SLBP: variants seen among roughly 807,000 people sequenced by gnomAD.
SLBP encodes the protein histone RNA hairpin-binding protein.
In SLBP, 29 loss-of-function variants were observed where a neutral mutation model predicts 39.2. The ratio of observed to expected loss-of-function variants is 0.74; its 90% CI spans 0.55 to 1.01. The LOEUF (loss-of-function observed/expected upper bound fraction) is 1.01, where lower values mean the gene tolerates loss of function less well. Ranked by LOEUF, SLBP falls within the 50% of genes least tolerant of loss-of-function variation. The pLI is 0.00. For missense variants in SLBP, 390 were observed against 350.2 expected, an observed-to-expected ratio of 1.11 and a Z score of -0.91; for synonymous variants, 129 against 118.7, an observed-to-expected ratio of 1.09 and a Z score of -0.57.
At chr4:1,694,670 CG>C (rs1716039822) in intron 7 of SLBP, 103 bp downstream of exon 7, 2 of 823,492 alleles carry the variant, frequency 2.4e-6, no homozygotes, top group Admixed American at 3.6e-5. Context: ...GGATTACAGG[CG>C]TGAGCCACCG....
intron 6 of SLBP, 136 bp downstream of exon 6, chr4:1,696,066 G>A (rs1038176027): frequency 3.1e-5 from 19 of 609,682 alleles, no homozygotes; most frequent in African/African-American, 1.6e-4. Context: ...ACTCAGCACC[G>A]AGCTGCAGCA....
chr4:1,701,336 G>T (rs377078992), intron 3 of SLBP, among the ~76,000 whole-genome samples: 21 of 151,672 alleles, frequency 1.4e-4, no homozygotes, highest in East Asian at 9.8e-4. Flanking sequence ...TAGTAGAGAC[G>T]GGGTTTCTCC....
chr4:1,700,127 G>C, intron 3 of SLBP, 57 bp from the exon 4 acceptor site: 1 of 1,295,686 alleles, frequency 7.7e-7, no homozygotes, highest in Non-Finnish European at 1.1e-6. Flanking sequence ...AAAGCAGCCA[G>C]GTCTGAGGAA....
rs771040419 is a variant in SLBP at position 1,699,517 on chromosome 4, G to C, written c.479+47C>G. On this transcript the variant is annotated intron_variant, in intron 5 of 7. Coordinates refer to ENST00000489418, the MANE Select transcript of SLBP (RefSeq NM_006527.4). ...CCAATCTAAGCAACTCTTTAGAAAC[G>C]CAATGCCACACAGCTTGTTCAAGAC... 9 of 1,602,304 alleles carry C rather than the reference G, an allele frequency of 5.6e-6. No individual in the cohort carries two copies. In the Admixed American group the frequency reaches 6.7e-5, roughly 12 times the overall value.
chr4:1,706,040 T>C (rs901968030), intron 2 of SLBP, among the ~76,000 whole-genome samples: 4 of 152,178 alleles, frequency 2.6e-5, no homozygotes, highest in South Asian at 4.1e-4. Flanking sequence ...TCCCAGCACT[T>C]TGGGGACGCC....
In SLBP at chr4:1,693,298, T is replaced by C. The variant is rs909104445; in HGVS notation, c.*299A>G. 1 of 273,198 alleles carries C rather than the reference T, an allele frequency of 3.7e-6. No homozygotes were observed. The highest frequency in any genetic ancestry group is 5.1e-5 in the South Asian group (1 of 19,742). The allele number at this position is 273,198 out of a possible 1,614,324, so 16.9% of individuals were successfully genotyped here. On this transcript the variant is annotated 3_prime_UTR_variant, in exon 8 of 8. Coordinates refer to ENST00000489418, the MANE Select transcript of SLBP (RefSeq NM_006527.4). ...GAAGATGCCTGTGGAAAACCAGTTA[T>C]GTAGACGTGTCAGCTTACCCTGGAG...
chr4:1,701,913 ATAAG>A (rs1560250680), intron 3 of SLBP, among the ~76,000 whole-genome samples: 5 of 152,338 alleles, frequency 3.3e-5, no homozygotes, highest in African/African-American at 7.2e-5. Flanking sequence ...TCTCAAAAAA[ATAAG>A]TAAGTAAATA....
chr4:1,697,685 A>C (rs534357829), intron 5 of SLBP, among the ~76,000 whole-genome samples: 133 of 151,978 alleles, frequency 8.8e-4, no homozygotes, highest in African/African-American at 3.1e-3. Context: ...TACTAAAAAT[A>C]CAAAAAAATT....
At chr4:1,702,929 T>C (rs1030823642) in intron 3 of SLBP, among the ~76,000 whole-genome samples, 3 of 152,028 alleles carry the variant, frequency 2.0e-5, no homozygotes, top group African/African-American at 4.8e-5. Context: ...AGAAGGTCGG[T>C]GGTAACAAAT....
At position 1,699,549 on chromosome 4, in the gene SLBP, C is replaced by T; in HGVS notation, c.479+15G>A. ...CACACAGCTTGTTCAAGACATGCCA[C>T]TGAAACAAGACTACCTTGGGACTTC... On this transcript the variant is annotated intron_variant, in intron 5 of 7. Transcript: ENST00000489418. 1 of 1,613,714 alleles carries T rather than the reference C, an allele frequency of 6.2e-7. No individual in the cohort carries two copies. The highest frequency in any genetic ancestry group is 2.2e-5 in the East Asian group (1 of 44,860).
intron 3 of SLBP, 55 bp from the exon 4 acceptor site, chr4:1,700,125 C>T: frequency 7.5e-7 from 1 of 1,330,780 alleles, no homozygotes; most frequent in East Asian, 2.3e-5. Context: ...ATAAAGCAGC[C>T]AGGTCTGAGG....
chr4:1,694,783 C>G lies in SLBP; in HGVS notation c.687G>C (p.Gln229His), dbSNP rs200057601. 6.2e-7 allele frequency: 1 copy of G among 1,612,584 alleles called. No homozygotes were observed. Among genetic ancestry groups the G allele is most frequent in the African/African-American group, 1.3e-5 (1 of 75,016 alleles). Reference sequence around the variant, plus strand: ...TATCCAAAGTACTTACAAAGTCATCCTGAGAGCTGGTCTGGGGCTCGGAGC... The same window carrying G: ...TATCCAAAGTACTTACAAAGTCATCGTGAGAGCTGGTCTGGGGCTCGGAGC... ...ESSSEPQTSS[Q>H]DDFDVYSGTP... The change falls in exon 7 of 8, where the codon CAG becomes CAC. Residue 229 changes from glutamine to histidine, a missense_variant. Coordinates refer to ENST00000489418, the MANE Select transcript of SLBP (RefSeq NM_006527.4).
chr4:1,695,610 G>A (rs34049648), intron 6 of SLBP, among the ~76,000 whole-genome samples: 47,622 of 151,906 alleles, frequency 0.31, 8,560 homozygotes, highest in East Asian at 0.69. Flanking sequence ...GTGAAACCCC[G>A]TCTCCACTAA....
intron 2 of SLBP, among the ~76,000 whole-genome samples, chr4:1,704,088 TG>T (rs910498149): frequency 2.0e-5 from 3 of 152,148 alleles, no homozygotes; most frequent in African/African-American, 7.2e-5. Flanking sequence ...CCACTGTGTT[TG>T]GGGGTCTAAT....
chr4:1,693,351 G>C lies in SLBP; in HGVS notation c.*246C>G. 2.6e-6 allele frequency: 1 copy of C among 391,832 alleles called. No homozygotes were observed. The highest frequency in any genetic ancestry group is 4.7e-6 in the Non-Finnish European group (1 of 211,892). The allele number at this position is 391,832 out of a possible 1,614,324, so 24.3% of individuals were successfully genotyped here. On this transcript the variant is annotated 3_prime_UTR_variant, in exon 8 of 8. Transcript: ENST00000489418. ...CAACAGGGATTACGCAATTAAGCTC[G>C]CTGGAAGAGAGCTTCAAGTACTTTC...
At chr4:1,706,643 C>T (rs1172301327) in intron 2 of SLBP, among the ~76,000 whole-genome samples, 1 of 151,822 alleles carries the variant, frequency 6.6e-6, no homozygotes, top group Non-Finnish European at 1.5e-5. Context: ...CAGCGTCTAC[C>T]AAAATACAAA....
intron 2 of SLBP, among the ~76,000 whole-genome samples, chr4:1,710,905 G>A (rs1716737696): frequency 1.3e-5 from 2 of 151,998 alleles, no homozygotes; most frequent in South Asian, 4.1e-4. Context: ...CAAAAAGTTA[G>A]CCGGGCGCGG....
chr4:1,698,850 G>C (rs1001503247), intron 5 of SLBP, among the ~76,000 whole-genome samples: 1 of 151,830 alleles, frequency 6.6e-6, no homozygotes, highest in Non-Finnish European at 1.5e-5. Flanking sequence ...GAGTGCAGTG[G>C]TGTGATTAAT....
chr4:1,695,800 A>C (rs187982384), intron 6 of SLBP, among the ~76,000 whole-genome samples: 24 of 151,890 alleles, frequency 1.6e-4, no homozygotes, highest in Non-Finnish European at 3.1e-4. Context: ...ACAGAGAAAG[A>C]AAGCCTTCCT....
Sources: gnomAD v4.1 joint callset for allele counts (sites outside exome capture counted in the v4.1 genomes callset) on GRCh38, gnomAD v4.1.1 for gene constraint, MANE v1.5 for transcripts, NCBI Gene and HGNC (gene_info 2026-07-23, HGNC 2026-07-21) for gene names.